GRM8: variants seen among roughly 807,000 people sequenced by gnomAD.
GRM8 encodes glutamate metabotropic receptor 8.
In GRM8, 47 loss-of-function variants were observed where a neutral mutation model predicts 87.2. The ratio of observed to expected loss-of-function variants is 0.54; its 90% CI spans 0.43 to 0.69. GRM8 has a LOEUF of 0.69. GRM8 is among the 30% of genes least tolerant of loss of function. The pLI is 0.00. For missense variants in GRM8, 1,019 were observed against 1,139.2 expected (o/e 0.89, Z 1.52); for synonymous variants, 396 against 404.5 (o/e 0.98, Z 0.25).
At chr7:126,588,374 C>T (rs1796361046) in intron 8 of GRM8, among the ~76,000 whole-genome samples, 1 of 152,126 alleles carries the variant, frequency 6.6e-6, no homozygotes, top group South Asian at 2.1e-4. Flanking sequence ...TTATTTCACC[C>T]AGTGTGAAAA....
chr7:127,015,390 T>C (rs1349079463), intron 3 of GRM8, among the ~76,000 whole-genome samples: 1 of 152,044 alleles, frequency 6.6e-6, no homozygotes, highest in Admixed American at 6.6e-5. Context: ...CAGAGATTTG[T>C]GATATGCTGA....
chr7:126,844,902 T>C (rs1372613521), intron 6 of GRM8, among the ~76,000 whole-genome samples: 4 of 152,332 alleles, frequency 2.6e-5, no homozygotes, highest in African/African-American at 7.2e-5. Context: ...AATAGTCACA[T>C]TGGAGGTTAG....
chr7:126,959,836 G>A (rs1809120988), intron 3 of GRM8, among the ~76,000 whole-genome samples: 1 of 152,086 alleles, frequency 6.6e-6, no homozygotes, highest in South Asian at 2.1e-4. Context: ...ATAAACCTAA[G>A]GCAAAACCAG....
chr7:127,020,015 C>G (rs1220416269), intron 3 of GRM8, among the ~76,000 whole-genome samples: 5 of 152,028 alleles, frequency 3.3e-5, no homozygotes, highest in Non-Finnish European at 7.4e-5. Flanking sequence ...AAATTCATTC[C>G]TACAGAACAG....
At chr7:127,241,918 T>A (rs1798325830) in intron 2 of GRM8, among the ~76,000 whole-genome samples, 1 of 152,208 alleles carries the variant, frequency 6.6e-6, no homozygotes, top group South Asian at 2.1e-4. Flanking sequence ...AATGGTGAGT[T>A]AACAATAACT....
At chr7:126,940,803 AT>A (rs893661526) in intron 3 of GRM8, among the ~76,000 whole-genome samples, 1 of 151,772 alleles carries the variant, frequency 6.6e-6, no homozygotes, top group Non-Finnish European at 1.5e-5. Context: ...ATGCTTTTGG[AT>A]TTGTCCAGCT....
At chr7:126,864,418 C>T (rs1271184963) in intron 6 of GRM8, among the ~76,000 whole-genome samples, 1 of 151,978 alleles carries the variant, frequency 6.6e-6, no homozygotes, top group African/African-American at 2.4e-5. Flanking sequence ...CTACGTATTC[C>T]ATCATGGGTG....
intron 7 of GRM8, among the ~76,000 whole-genome samples, chr7:126,766,433 C>A (rs73720765): frequency 0.022 from 3,395 of 152,126 alleles, 136 homozygotes; most frequent in African/African-American, 0.077. Context: ...TTTATCTATA[C>A]AAAAATTAAA....
intron 7 of GRM8, among the ~76,000 whole-genome samples, chr7:126,739,493 G>C (rs1814685687): frequency 6.6e-6 from 1 of 151,794 alleles, no homozygotes; most frequent in African/African-American, 2.4e-5. Flanking sequence ...TCACCTCTTA[G>C]CATCTTACAT....
At chr7:127,107,252 T>C (rs1825897090) in intron 2 of GRM8, among the ~76,000 whole-genome samples, 1 of 152,198 alleles carries the variant, frequency 6.6e-6, no homozygotes. Context: ...CTATTGACTG[T>C]TTATTGATAT....
chr7:127,122,023 G>A (rs1827118294), intron 2 of GRM8, among the ~76,000 whole-genome samples: 1 of 152,186 alleles, frequency 6.6e-6, no homozygotes, highest in Non-Finnish European at 1.5e-5. Context: ...AAGAAAAAAA[G>A]TTCATTTCAC....
At chr7:126,784,123 A>T (rs962338310) in intron 6 of GRM8, among the ~76,000 whole-genome samples, 1 of 152,184 alleles carries the variant, frequency 6.6e-6, no homozygotes, top group Non-Finnish European at 1.5e-5. Flanking sequence ...CTGCATCAGG[A>T]CCTGGAAAAC....
intron 8 of GRM8, among the ~76,000 whole-genome samples, chr7:126,575,048 G>A (rs1448513842): frequency 6.6e-6 from 1 of 152,102 alleles, no homozygotes; most frequent in African/African-American, 2.4e-5. Context: ...ATACTATAAG[G>A]GTAGACAACA....
At chr7:127,111,402 C>T (rs901815241) in intron 2 of GRM8, among the ~76,000 whole-genome samples, 1 of 152,082 alleles carries the variant, frequency 6.6e-6, no homozygotes, top group Non-Finnish European at 1.5e-5. Context: ...ATGAAACCTC[C>T]AGTTTTTACC....
In GRM8 at chr7:126,883,251, C is replaced by T. The variant is rs185979614; in HGVS notation, c.1156+19291G>A. On this transcript the variant is annotated intron_variant, in intron 6 of 10. Transcript: ENST00000339582. ...TGATTTTCCTGGGCTAGGTAAACAC[C>T]CTGAATTTACAAGAGAATGTTCAGC... Among the ~76,000 whole-genome samples the T allele has an allele frequency of 2.4e-3, 365 of 152,178 alleles. 1 individual carries two copies. Among genetic ancestry groups the T allele is most frequent in the African/African-American group, 8.3e-3 (345 of 41,518 alleles).
intron 3 of GRM8, among the ~76,000 whole-genome samples, chr7:126,983,393 C>T (rs1811733313): frequency 6.6e-6 from 1 of 152,114 alleles, no homozygotes; most frequent in East Asian, 1.9e-4. Context: ...CTCCAGAAGG[C>T]TGTGTATGCT....
chr7:126,928,336 G>T (rs1805367061), intron 3 of GRM8, among the ~76,000 whole-genome samples: 2 of 152,134 alleles, frequency 1.3e-5, no homozygotes, highest in Admixed American at 1.3e-4. Flanking sequence ...TAACAAACCT[G>T]CACATCCTGC....
At chr7:127,203,306 T>C (rs1795713264) in intron 2 of GRM8, among the ~76,000 whole-genome samples, 1 of 152,156 alleles carries the variant, frequency 6.6e-6, no homozygotes, top group Non-Finnish European at 1.5e-5. Context: ...GCTGAAAAAC[T>C]ACCTATTGGC....
At chr7:127,215,180 T>G (rs540376874) in intron 2 of GRM8, 1 of 152,350 alleles carries the variant, frequency 6.6e-6, no homozygotes, top group Non-Finnish European at 1.5e-5. Context: ...GCTGGAATCC[T>G]GAGTCTCTCT....
Sources: gnomAD v4.1 joint callset for allele counts (sites outside exome capture counted in the v4.1 genomes callset) on GRCh38, gnomAD v4.1.1 for gene constraint, MANE v1.5 for transcripts, NCBI Gene and HGNC (gene_info 2026-07-23, HGNC 2026-07-21) for gene names.